ASPM: variants seen among roughly 807,000 people sequenced by gnomAD.
ASPM encodes assembly factor for spindle microtubules.
Under a neutral mutation model 366.4 loss-of-function variants are expected in ASPM, and 256 were observed. That is an observed-to-expected ratio of 0.70 (90% CI 0.63 to 0.77). The LOEUF is 0.77. Among genes scored for constraint, ASPM ranks in the 30% least tolerant of loss-of-function variants. The pLI is 0.00. For missense variants in ASPM, 4,146 were observed against 4,090.4 expected (o/e 1.01, Z -0.37); for synonymous variants, 1,414 against 1,342.9 (o/e 1.05, Z -1.16).
rs144265058 is a variant in ASPM at position 197,097,618 on chromosome 1, C to T, written c.8821-1454G>A. Among the ~76,000 whole-genome samples, 1,338 of 151,738 alleles carry T rather than the reference C, an allele frequency of 8.8e-3. 16 individuals carry two copies. The highest frequency in any genetic ancestry group is 0.028 in the African/African-American group (1,171 of 41,426). On this transcript the variant is annotated intron_variant, in intron 18 of 27. Transcript: ENST00000367409. ...TAACTCATTCAGACTATATTGTATA[C>T]GGTTTTTATGTAAATCTGCATACAT...
intron 21 of ASPM, among the ~76,000 whole-genome samples, 157 bp downstream of exon 21, chr1:197,092,895 T>G (rs1656829303): frequency 6.6e-6 from 1 of 151,918 alleles, no homozygotes; most frequent in Non-Finnish European, 1.5e-5. Flanking sequence ...TGACAGTCAG[T>G]GCTCTTGTCA....
At position 197,144,051 on chromosome 1, in the gene ASPM, C is replaced by A. The variant is rs1658691377; in HGVS notation, c.347G>T (p.Gly116Val). The change falls in exon 2 of 28, where the codon GGC becomes GTC. Residue 116 changes from glycine (G) to valine (V), a missense_variant. Physicochemically the swap from Gly to Val is moderately radical, Grantham distance 109. This residue lies in a region of ASPM where 512 missense variants were observed against 471.7 expected (regional missense o/e 1.09). Coordinates refer to ENST00000367409, the MANE Select transcript of ASPM (RefSeq NM_018136.5). ...AAATGTCATAATCTCTCTTACTCGG[C>A]CTTCTTTGAGTGGTGTCCAGTTAAC... ...ISVNWTPLKE[G>V]RVREIMTFLV... is the part of the protein sequence containing the mutation. 6.2e-7 allele frequency: 1 copy of A among 1,610,594 alleles called. No individual in the cohort carries two copies. The highest frequency in any genetic ancestry group is 1.3e-5 in the African/African-American group (1 of 74,928).
chr1:197,109,522 TAC>T (rs1197936112), intron 17 of ASPM, among the ~76,000 whole-genome samples: 15 of 152,052 alleles, frequency 9.9e-5, no homozygotes, highest in Non-Finnish European at 8.8e-5. Context: ...ACAAGAAAAC[TAC>T]AGTTTATATA....
rs1185993297 is a variant in ASPM, at chr1:197,143,419, T to G, written c.833A>C (p.Glu278Ala). Residue 278 changes from glutamate (E) to alanine (A), a missense_variant, in exon 3 of 28, where the codon GAA (glutamate) becomes GCA (alanine). By Grantham distance (107) the Glu-to-Ala change is moderately radical (BLOSUM62 -1). Transcript: ENST00000367409. Reference sequence around the variant, plus strand: ...AACATTTACGGAATTAAAGGAAGTTTCAGTTACAGCTTTCTCATTAAAAGA... The same window carrying G: ...AACATTTACGGAATTAAAGGAAGTTGCAGTTACAGCTTTCTCATTAAAAGA... ...KVSFNEKAVT[E>A]TSFNSVNVNG... The G allele has an allele frequency of 1.9e-6, 3 of 1,613,914 alleles. No individual in the cohort carries two copies. Among genetic ancestry groups the G allele is most frequent in the Non-Finnish European group, 2.5e-6 (3 of 1,179,900 alleles).
chr1:197,127,932 G>A (rs1158629133), intron 10 of ASPM, among the ~76,000 whole-genome samples: 7 of 152,114 alleles, frequency 4.6e-5, no homozygotes, highest in African/African-American at 1.4e-4. Flanking sequence ...TTGGGAGGCC[G>A]AGGCAGGCGG....
At chr1:197,097,741 C>T (rs749531903) in intron 18 of ASPM, among the ~76,000 whole-genome samples, 1 of 151,568 alleles carries the variant, frequency 6.6e-6, no homozygotes, top group African/African-American at 2.4e-5. Flanking sequence ...TTAACTGTAA[C>T]AGTAAAAGAC....
chr1:197,146,363 C>T lies in ASPM; in HGVS notation c.75G>A (p.Arg25=), dbSNP rs770995115. 1.2e-6 allele frequency: 2 copies of T among 1,609,102 alleles called. No homozygotes were observed. Among genetic ancestry groups the T allele is most frequent in the African/African-American group, 1.3e-5 (1 of 74,912 alleles). ...ACGCCTCCTCCTCGGCCGCGGGGCC[C>T]CGCAGCCCCGCGGGCGGCCTCCGCT... The part of the protein sequence containing the change: ...PTERRPPAGL[R]GPAAEEEASS... Residue 25 remains arginine, a synonymous_variant, in exon 1 of 28, where the codon CGG becomes CGA. Transcript: ENST00000367409.
Position 197,102,208 on chromosome 1 carries a change from T to G in ASPM, c.7043A>C (p.His2348Pro), listed in dbSNP as rs200934279. 3 of 1,612,680 alleles carry G rather than the reference T, an allele frequency of 1.9e-6. No homozygotes were observed. ...AGCCTGATATCTCATATGTAATCTG[T>G]GCATTCTGAAAGTAGACTGGATGAA... is the stretch of plus-strand genomic sequence containing the variant. ...ATFIQSTFRM[H>P]RLHMRYQALK... Residue 2348 changes from histidine (H) to proline (P), a missense_variant, in exon 18 of 28, where the codon CAC becomes CCC. Transcript: ENST00000367409.
In ASPM at chr1:197,125,125, A is replaced by C; in HGVS notation, c.3003T>G (p.Ser1001Arg). Residue 1001 changes from serine (S) to arginine (R), a missense_variant, in exon 11 of 28, where the codon AGT (serine) becomes AGG (arginine). Around this residue, in one of 3 missense-constraint regions of ASPM, gnomAD observed 3,624 missense variants for 3,591.7 expected, o/e 1.01. Transcript: ENST00000367409. ...LSKKLRIPAI[S>R]RLQKMHNVDI... Reference sequence around the variant, plus strand: ...CAACATTGTGCATCTTTTGAAGACGACTTATTGCCGGAATCCTGAGTTTCT... The same window carrying C: ...CAACATTGTGCATCTTTTGAAGACGCCTTATTGCCGGAATCCTGAGTTTCT... 1 of 1,614,020 alleles carries C rather than the reference A, an allele frequency of 6.2e-7. No homozygotes were observed. Among genetic ancestry groups the C allele is most frequent in the South Asian group, 1.1e-5 (1 of 91,078 alleles).
At chr1:197,088,141 G>C in intron 26 of ASPM, 115 bp downstream of exon 26, 2 of 1,147,032 alleles carry the variant, frequency 1.7e-6, no homozygotes, top group Non-Finnish European at 2.5e-6. Context: ...AAGCAGGTTT[G>C]AACACACATA....
rs758549961 is a variant in ASPM at position 197,101,918 on chromosome 1, T to TGGTGGCTC, written c.7325_7332dup (p.Ile2445GlufsTer16). Reference sequence around the variant, plus strand: ...TGGTACAATTTATGTTTGGCACAAATGGTGGCTCGATATTTCCTCTGAACA... The same window carrying TGGTGGCTC: ...TGGTACAATTTATGTTTGGCACAAATGGTGGCTCGGTGGCTCGATATTTCCTCTGAACA... On this transcript the variant is annotated frameshift_variant, in exon 18 of 28. Transcript: ENST00000367409. LOFTEE classifies it high-confidence loss of function. 169 of 1,612,744 alleles carry TGGTGGCTC rather than the reference T, an allele frequency of 1.0e-4. No homozygotes were observed. The highest frequency in any genetic ancestry group is 1.4e-4 in the Non-Finnish European group (164 of 1,179,312).
At chr1:197,108,191 G>A (rs193046527) in intron 17 of ASPM, among the ~76,000 whole-genome samples, 1 of 148,294 alleles carries the variant, frequency 6.7e-6, no homozygotes, top group East Asian at 2.1e-4. Flanking sequence ...AGCCTCAAGA[G>A]AAATTAAAAA....
Position 197,092,039 on chromosome 1 carries a change from G to C in ASPM, c.9312C>G (p.Ala3104=), listed in dbSNP as rs772348066. 6.2e-7 allele frequency: 1 copy of C among 1,611,446 alleles called. No homozygotes were observed. The highest frequency in any genetic ancestry group is 1.3e-5 in the African/African-American group (1 of 74,748). Residue 3104 remains alanine, a synonymous_variant, in exon 22 of 28, where the codon GCC becomes GCG. Transcript: ENST00000367409. Reference sequence around the variant, plus strand: ...CAGTGAAGTGAAGAAGTCGAATTTTGGCTCTCTGTTCTAAAAACTAAAGGT... The same window carrying C: ...CAGTGAAGTGAAGAAGTCGAATTTTCGCTCTCTGTTCTAAAAACTAAAGGT... ...LVRKRFLEQR[A]KIRLLHFTAA...
rs904595731 is a variant in ASPM, at chr1:197,143,496, T to C, written c.756A>G (p.Ala252=). The change falls in exon 3 of 28, where the codon GCA becomes GCG. Residue 252 remains alanine (A), a synonymous_variant. Transcript: ENST00000367409. ...CATTTAATAGTTCCCTATTTTCTGA[T>C]GCATGAAGAGATGAGTAGGTAGTAG... The part of the protein sequence containing the change: ...RRSTTYSSLH[A]SENRELLNVH... 1.9e-6 allele frequency: 3 copies of C among 1,614,054 alleles called. No individual in the cohort carries two copies. Among genetic ancestry groups the C allele is most frequent in the East Asian group, 2.2e-5 (1 of 44,880 alleles).
In ASPM at chr1:197,130,067, A is replaced by C; in HGVS notation, c.2488-11T>G. 6.2e-7 allele frequency: 1 copy of C among 1,612,754 alleles called. No homozygotes were observed. On this transcript the variant is annotated splice_polypyrimidine_tract_variant and intron_variant, in intron 7 of 27. Transcript: ENST00000367409. ...TTCTCCATAAGTTGTCTGAAAATAA[A>C]TTAAAGCCAAAGTCAGAATTATGCT...
Position 197,094,149 on chromosome 1 carries a change from TG to T in ASPM, c.9018del (p.Ile3007PhefsTer13). ...AGTATAGCTCTCCATTTTCTCTGAA[TG>T]ATAATTGCTGATGCTCTCACATTCA... ...RFLNVRASAI[I>X]IQRKWRAILP... On this transcript the variant is annotated frameshift_variant, in exon 20 of 28. Transcript: ENST00000367409. LOFTEE classifies it high-confidence loss of function. 1.9e-6 allele frequency: 3 copies of T among 1,607,160 alleles called. No homozygotes were observed. The highest frequency in any genetic ancestry group is 2.6e-6 in the Non-Finnish European group (3 of 1,175,688).
At chr1:197,092,168 T>A in intron 21 of ASPM, 112 bp from the exon 22 acceptor site, 2 of 989,432 alleles carry the variant, frequency 2.0e-6, no homozygotes, top group Middle Eastern at 3.1e-4. Flanking sequence ...AAGAATAAAC[T>A]AATTTTTAAT....
rs1426261699 is a variant in ASPM at position 197,143,674 on chromosome 1, T to C, written c.578A>G (p.Gln193Arg). The change falls in exon 3 of 28, where the codon CAA becomes CGA. Residue 193 changes from glutamine to arginine, a missense_variant. Gln to Arg is a conservative substitution (Grantham distance 43). This residue lies in a region of ASPM where 512 missense variants were observed against 471.7 expected (regional missense o/e 1.09). Coordinates refer to ENST00000367409, the MANE Select transcript of ASPM (RefSeq NM_018136.5). ...ATTCATAGCCAAGTTTTCACAAGCT[T>C]GTAGTGGGCTCCTAACTCTGTCAAC... is the stretch of plus-strand genomic sequence containing the variant. ...QKVDRVRSPL[Q>R]ACENLAMNEG... The C allele has an allele frequency of 6.2e-7, 1 of 1,613,842 alleles. No individual in the cohort carries two copies.
In ASPM at chr1:197,090,199, GGTGT is replaced by G; in HGVS notation, c.9822_9825del (p.Lys3274AsnfsTer2). The G allele has an allele frequency of 6.2e-7, 1 of 1,613,126 alleles. No homozygotes were observed. The highest frequency in any genetic ancestry group is 8.5e-7 in the Non-Finnish European group (1 of 1,179,402). ...AAACATGTTAACACAAACTAACCTA[GGTGT>G]TTTAAGGCCTCAAGAATGGCAGAAA... On this transcript the variant is annotated frameshift_variant, in exon 24 of 28. Transcript: ENST00000367409. LOFTEE classifies it high-confidence loss of function.
Sources: allele counts gnomAD v4.1 joint callset (sites outside exome capture counted in the v4.1 genomes callset), GRCh38; gene constraint gnomAD v4.1.1; regional missense constraint gnomAD v4.1.1; transcripts MANE v1.5; gene names NCBI Gene and HGNC (gene_info 2026-07-23, HGNC 2026-07-21).